The following COX10 variants were observed in gnomAD, a reference collection of about 807,000 sequenced individuals.
The protein encoded by COX10 is protoheme IX farnesyltransferase, mitochondrial.
A neutral mutation model predicts 37.3 loss-of-function variants in COX10; 27 were observed. That is an observed-to-expected ratio of 0.72 (90% CI 0.53 to 1.00). The LOEUF (loss-of-function observed/expected upper bound fraction) is 1.00. COX10 is among the 50% of genes least tolerant of loss of function. The pLI, the probability that COX10 is intolerant of heterozygous loss-of-function variation, is 0.00. For synonymous variants in COX10, 222 were observed against 229.1 expected, an observed-to-expected ratio of 0.97 and a Z score of 0.28; for missense variants, 475 against 563.2, an observed-to-expected ratio of 0.84 and a Z score of 1.59.
chr17:14,186,999 A>G (rs1210521740), intron 5 of COX10, among the ~76,000 whole-genome samples: 2 of 150,354 alleles, frequency 1.3e-5, no homozygotes, highest in African/African-American at 4.9e-5. Context: ...TTTTTTTTTA[A>G]GAAACTCAAT....
intron 5 of COX10, among the ~76,000 whole-genome samples, chr17:14,167,784 C>T (rs538637728): frequency 2.4e-4 from 37 of 152,264 alleles, no homozygotes; most frequent in South Asian, 2.3e-3. Flanking sequence ...AAACCACACC[C>T]GTGATCCAAC....
chr17:14,178,838 G>A (rs1905768005), intron 5 of COX10, among the ~76,000 whole-genome samples: 1 of 151,990 alleles, frequency 6.6e-6, no homozygotes, highest in Non-Finnish European at 1.5e-5. Context: ...GATTGCTCCA[G>A]CTTGGGCCTG....
At chr17:14,088,814 T>C (rs572244864) in intron 3 of COX10, among the ~76,000 whole-genome samples, 19 of 152,324 alleles carry the variant, frequency 1.2e-4, no homozygotes, top group African/African-American at 4.6e-4. Flanking sequence ...TTGTCTGTTA[T>C]CATTAGCTTG....
At chr17:14,144,771 C>T (rs1385514958) in intron 4 of COX10, among the ~76,000 whole-genome samples, 1 of 152,090 alleles carries the variant, frequency 6.6e-6, no homozygotes, top group Non-Finnish European at 1.5e-5. Context: ...AATATGCTGG[C>T]TACGATGTGA....
At chr17:14,104,938 A>C (rs1325581322) in intron 4 of COX10, among the ~76,000 whole-genome samples, 1 of 152,210 alleles carries the variant, frequency 6.6e-6, no homozygotes, top group Admixed American at 6.5e-5. Flanking sequence ...TTTAAAGCAC[A>C]TATGCCTTCA....
Position 14,069,561 on chromosome 17 carries a change from G to C in COX10, c.-45G>C, listed in dbSNP as rs1914960796. On this transcript the variant is annotated 5_prime_UTR_variant, in exon 1 of 7. Transcript: ENST00000261643. ...GGCGGCGCCCAGCGTCCCGTGAGGA[G>C]AGAGGACACAGGGATCCCGGGGAGC... The C allele has an allele frequency of 2.5e-6, 4 of 1,610,984 alleles. No homozygotes were observed. Among genetic ancestry groups the C allele is most frequent in the East Asian group, 4.5e-5 (2 of 44,826 alleles).
intron 5 of COX10, among the ~76,000 whole-genome samples, chr17:14,175,177 T>C (rs929177719): frequency 9.3e-6 from 1 of 107,262 alleles, no homozygotes; most frequent in Non-Finnish European, 2.0e-5. Context: ...ATCTTGATTG[T>C]GGTGGTGGTT....
chr17:14,127,141 T>A (rs1916359527), intron 4 of COX10, among the ~76,000 whole-genome samples: 1 of 152,132 alleles, frequency 6.6e-6, no homozygotes, highest in Non-Finnish European at 1.5e-5. Context: ...TAAAAGAGAG[T>A]TAATTTTAAG....
intron 4 of COX10, among the ~76,000 whole-genome samples, chr17:14,114,003 C>T (rs1916060538): frequency 6.6e-6 from 1 of 152,158 alleles, no homozygotes; most frequent in African/African-American, 2.4e-5. Flanking sequence ...CATTTATACT[C>T]AGTTGTCTGA....
At chr17:14,148,947 C>G (rs1904810445) in intron 4 of COX10, among the ~76,000 whole-genome samples, 1 of 147,054 alleles carries the variant, frequency 6.8e-6, no homozygotes, top group South Asian at 2.1e-4. Context: ...ATTATATATA[C>G]TATATTAAAA....
intron 5 of COX10, among the ~76,000 whole-genome samples, chr17:14,172,741 G>A (rs1349151061): frequency 6.6e-6 from 1 of 151,682 alleles, no homozygotes; most frequent in African/African-American, 2.4e-5. Context: ...CTGGGCCTAG[G>A]TAATTTTTTT....
intron 3 of COX10, among the ~76,000 whole-genome samples, chr17:14,088,907 G>T (rs1915469556): frequency 6.6e-6 from 1 of 152,126 alleles, no homozygotes; most frequent in African/African-American, 2.4e-5. Context: ...AAATGAGAAG[G>T]AAATGTGGAA....
chr17:14,125,125 G>T (rs776717252), intron 4 of COX10, among the ~76,000 whole-genome samples: 1 of 152,076 alleles, frequency 6.6e-6, no homozygotes, highest in African/African-American at 2.4e-5. Flanking sequence ...TGTCACTGAC[G>T]AATGCACATT....
chr17:14,143,694 T>C (rs1904616818), intron 4 of COX10, among the ~76,000 whole-genome samples: 1 of 152,334 alleles, frequency 6.6e-6, no homozygotes, highest in African/African-American at 2.4e-5. Flanking sequence ...CAGGGTGTTA[T>C]TGAACATTTT....
intron 4 of COX10, among the ~76,000 whole-genome samples, chr17:14,106,044 G>A (rs1185184159): frequency 2.6e-5 from 4 of 151,502 alleles, no homozygotes; most frequent in Admixed American, 1.3e-4. Context: ...GTAGGGTTTC[G>A]CTCTTGTCAC....
At chr17:14,084,356 CA>C (rs1567587394) in intron 3 of COX10, among the ~76,000 whole-genome samples, 1 of 151,672 alleles carries the variant, frequency 6.6e-6, no homozygotes, top group Non-Finnish European at 1.5e-5. Flanking sequence ...TACAGATAAG[CA>C]AAAAGAGAAG....
chr17:14,194,397 T>C (rs1270793203), intron 6 of COX10, among the ~76,000 whole-genome samples: 1 of 152,200 alleles, frequency 6.6e-6, no homozygotes, highest in Non-Finnish European at 1.5e-5. Context: ...ATAGTCTGGA[T>C]TTGGCTAAAC....
At chr17:14,160,018 C>T in intron 5 of COX10, 71 bp downstream of exon 5, 1 of 1,410,514 alleles carries the variant, frequency 7.1e-7, no homozygotes, top group Non-Finnish European at 9.9e-7. Flanking sequence ...AATCATTTCC[C>T]ACTATTTTGC....
chr17:14,081,633 C>A (rs974431724), intron 3 of COX10, among the ~76,000 whole-genome samples: 2 of 152,138 alleles, frequency 1.3e-5, no homozygotes. Flanking sequence ...ATAATCTCAC[C>A]GGCCTCAGTT....
Sources: allele counts gnomAD v4.1 joint callset (sites outside exome capture counted in the v4.1 genomes callset), GRCh38; gene constraint gnomAD v4.1.1; transcripts MANE v1.5; gene names NCBI Gene and HGNC (gene_info 2026-07-23, HGNC 2026-07-21).